MAP3K21: variants seen among roughly 807,000 people sequenced by gnomAD.
MAP3K21 encodes mitogen-activated protein kinase kinase kinase 21.
In MAP3K21, 63 loss-of-function variants were observed where a neutral mutation model predicts 86.1. The observed-to-expected ratio is 0.73, with a 90% confidence interval of 0.60 to 0.90. MAP3K21 has a LOEUF of 0.90. MAP3K21 is among the 40% of genes least tolerant of loss of function. The pLI, the probability that MAP3K21 is intolerant of heterozygous loss-of-function variation, is 0.00. For missense variants in MAP3K21, 1,220 were observed against 1,367.7 expected (o/e 0.89, Z 1.70); for synonymous variants, 558 against 564.8 (o/e 0.99, Z 0.17).
chr1:233,379,592 A>G lies in MAP3K21; in HGVS notation c.2586A>G (p.Ser862=). The change falls in exon 9 of 10, where the codon TCA becomes TCG. Residue 862 remains serine, a synonymous_variant. Transcript: ENST00000366624. ...MPRLDTDCSV[S]RNLPSSFLQQ... Reference sequence around the variant, plus strand: ...GACTTGACACTGATTGTAGTGTATCAAGAAACTTGCCGTCTTCCTTCCTAC... The same window carrying G: ...GACTTGACACTGATTGTAGTGTATCGAGAAACTTGCCGTCTTCCTTCCTAC... 3.1e-6 allele frequency: 5 copies of G among 1,614,198 alleles called. No individual in the cohort carries two copies. Among genetic ancestry groups the G allele is most frequent in the Non-Finnish European group, 3.4e-6 (4 of 1,180,036 alleles).
rs77763886 is a variant in MAP3K21 at position 233,349,765 on chromosome 1, C to T, written c.986+3143C>T. 1.6e-4 allele frequency among the ~76,000 whole-genome samples: 24 copies of T among 152,078 alleles called. No homozygotes were observed. The South Asian group carries it at 4.8e-3, about 30-fold the overall frequency. On this transcript the variant is annotated intron_variant, in intron 2 of 9. Transcript: ENST00000366624. ...CATCCTGGTCAACATGGTGAAACCC[C>T]GTCTCTACTAAAAATACAAAAATTA...
At chr1:233,345,110 A>G (rs972844533) in intron 1 of MAP3K21, among the ~76,000 whole-genome samples, 1 of 152,234 alleles carries the variant, frequency 6.6e-6, no homozygotes, top group Non-Finnish European at 1.5e-5. Flanking sequence ...GTGGAGAAAT[A>G]GTAACGGTTT....
In MAP3K21 at chr1:233,328,064, C is replaced by G. The variant is rs199635611; in HGVS notation, c.36C>G (p.Thr12=). The G allele has an allele frequency of 3.2e-3, 4,291 of 1,340,604 alleles. 87 individuals are homozygous for G. The East Asian group carries it at 0.046, about 14-fold the overall frequency. 83.0% of individuals were successfully genotyped at this position (1,340,604 alleles called of 1,614,324 possible). Residue 12 remains threonine, a synonymous_variant, in exon 1 of 10, where the codon ACC becomes ACG. Transcript: ENST00000366624. This position sits in a 1 kb window ranked among gnomAD's most constrained non-coding sequence, Gnocchi z 8.7. The part of the protein sequence containing the change: ...ALRGAAGATD[T]PVSSAGGAPG... ...GGGGCGCCGCGGGAGCGACCGACAC[C>G]CCGGTGTCCTCGGCCGGGGGAGCCC... is the stretch of plus-strand genomic sequence containing the variant.
In MAP3K21 at chr1:233,328,346, C is replaced by A. The variant is rs746043112; in HGVS notation, c.318C>A (p.Pro106=). 3.5e-5 allele frequency: 52 copies of A among 1,467,758 alleles called. No individual in the cohort carries two copies. Among genetic ancestry groups the A allele is most frequent in the Non-Finnish European group, 4.4e-5 (49 of 1,118,722 alleles). The allele number at this position is 1,467,758 out of a possible 1,614,324, so 90.9% of individuals were successfully genotyped here. A position where few individuals can be genotyped will look rare whatever the true frequency, so the allele number is the denominator to read the frequency against. The change falls in exon 1 of 10, where the codon CCC becomes CCA. Residue 106 remains proline, a synonymous_variant. Transcript: ENST00000366624. The surrounding 1 kb of genome is among the most constrained non-coding windows in gnomAD (Gnocchi z 8.7). ...CTCCCTGCCGCCCGGCCGCCAGCCC[C>A]GCGCCGCCGCCCTCGCGGCCCAGCT... ...YVAPCRPAAS[P]APPPSRPSSP... is the part of the protein sequence containing the mutation.
rs764284536 is a variant in MAP3K21 at position 233,382,736 on chromosome 1, G to A, written c.*25G>A. The A allele has an allele frequency of 1.5e-5, 24 of 1,593,288 alleles. No homozygotes were observed. Among genetic ancestry groups the A allele is most frequent in the South Asian group, 1.1e-4 (10 of 89,426 alleles). ...AACTAAGTGCCTTACTGTTGTTTAA[G>A]CATTTTTTTAAGGTGAACAAATGAA... On this transcript the variant is annotated 3_prime_UTR_variant, in exon 10 of 10. Coordinates refer to ENST00000366624, the MANE Select transcript of MAP3K21 (RefSeq NM_032435.3).
chr1:233,361,232 TC>T (rs1156601933), intron 4 of MAP3K21, among the ~76,000 whole-genome samples: 3 of 152,260 alleles, frequency 2.0e-5, no homozygotes, highest in African/African-American at 7.2e-5. Flanking sequence ...TATTTTTAAT[TC>T]TTAGATTTTC....
At chr1:233,363,643 A>G (rs968827637) in intron 5 of MAP3K21, among the ~76,000 whole-genome samples, 3 of 149,530 alleles carry the variant, frequency 2.0e-5, no homozygotes, top group Non-Finnish European at 4.4e-5. Flanking sequence ...TGGAGGTTGC[A>G]GTGACCCGAG....
Position 233,336,032 on chromosome 1 carries a change from C to T in MAP3K21, c.805+7199C>T, listed in dbSNP as rs143347038. On this transcript the variant is annotated intron_variant, in intron 1 of 9. Coordinates refer to ENST00000366624, the MANE Select transcript of MAP3K21 (RefSeq NM_032435.3). Reference sequence around the variant, plus strand: ...GAACCTCTAGGCTAAATGATTAGTTCTGTTGATCCAGAATGACACTCTTTA... The same window carrying T: ...GAACCTCTAGGCTAAATGATTAGTTTTGTTGATCCAGAATGACACTCTTTA... 8.2e-3 allele frequency among the ~76,000 whole-genome samples: 1,255 copies of T among 152,312 alleles called. 14 individuals carry two copies. Among genetic ancestry groups the T allele is most frequent in the Middle Eastern group, 0.027 (8 of 294 alleles).
Position 233,362,059 on chromosome 1 carries a change from C to A in MAP3K21, c.1318C>A (p.Arg440=), listed in dbSNP as rs757351496. The change falls in exon 5 of 10, where the codon CGA becomes AGA. Residue 440 remains arginine (R), a synonymous_variant. Coordinates refer to ENST00000366624, the MANE Select transcript of MAP3K21 (RefSeq NM_032435.3). ...GTGTGAATCTGTGTCGCAGGAGCTG[C>A]GATCCCGGGAAGAGGAGCTGACTCG... ...DELRTKEKEL[R]SREEELTRAA... The A allele has an allele frequency of 6.2e-7, 1 of 1,611,402 alleles. No individual in the cohort carries two copies. The highest frequency in any genetic ancestry group is 8.5e-7 in the Non-Finnish European group (1 of 1,178,876).
intron 5 of MAP3K21, among the ~76,000 whole-genome samples, chr1:233,371,590 C>G (rs146501385): frequency 0.011 from 1,635 of 152,220 alleles, 38 homozygotes; most frequent in African/African-American, 0.038. Flanking sequence ...GAACTTCTAG[C>G]CTCAAGTGAT....
At position 233,327,920 on chromosome 1, in the gene MAP3K21, C is replaced by G; in HGVS notation, c.-109C>G. The G allele has an allele frequency of 5.7e-6, 5 of 882,620 alleles. No individual in the cohort carries two copies. The highest frequency in any genetic ancestry group is 5.9e-6 in the Non-Finnish European group (4 of 673,754). The allele number at this position is 882,620 out of a possible 1,614,324, so 54.7% of individuals were successfully genotyped here. A position where few individuals can be genotyped will look rare whatever the true frequency, so the allele number is the denominator to read the frequency against. On this transcript the variant is annotated 5_prime_UTR_variant, in exon 1 of 10. Transcript: ENST00000366624. ...CGTCACCGATCGCGATTCCTACCCC[C>G]TCGCCTTCCCCCGGCGCCGACGGCC...
chr1:233,366,949 C>T (rs1301656479), intron 5 of MAP3K21, among the ~76,000 whole-genome samples: 1 of 152,014 alleles, frequency 6.6e-6, no homozygotes, highest in African/African-American at 2.4e-5. Context: ...AATTTTAAAA[C>T]AATACTTTGT....
chr1:233,329,653 CAA>C (rs796672723), intron 1 of MAP3K21, among the ~76,000 whole-genome samples: 3 of 132,920 alleles, frequency 2.3e-5, no homozygotes, highest in Admixed American at 7.5e-5. Flanking sequence ...GACTCTGTCT[CAA>C]AAAAAAAAAA....
At chr1:233,372,186 G>A in intron 6 of MAP3K21, 26 bp downstream of exon 6, 1 of 1,611,280 alleles carries the variant, frequency 6.2e-7, no homozygotes, top group Non-Finnish European at 8.5e-7. Context: ...TGCCACGGGG[G>A]CTCCTGTGTT....
In MAP3K21 at chr1:233,328,095, G is replaced by T; in HGVS notation, c.67G>T (p.Gly23Cys). 1 of 1,369,088 alleles carries T rather than the reference G, an allele frequency of 7.3e-7. No individual in the cohort carries two copies. Among genetic ancestry groups the T allele is most frequent in the Non-Finnish European group, 9.4e-7 (1 of 1,067,852 alleles). 84.8% of individuals were successfully genotyped at this position (1,369,088 alleles called of 1,614,324 possible). Residue 23 changes from glycine (G) to cysteine (C), a missense_variant, in exon 1 of 10, where the codon GGC (glycine) becomes TGC (cysteine). This residue lies in a region of MAP3K21 where 369 missense variants were observed against 385.3 expected (regional missense o/e 0.96). Transcript: ENST00000366624. The surrounding 1 kb of genome is among the most constrained non-coding windows in gnomAD (Gnocchi z 8.7). ...GTCCTCGGCCGGGGGAGCCCCCGGC[G>T]GCTCAGCGTCCTCGTCGTCCACCTC... ...PVSSAGGAPG[G>C]SASSSSTSSG...
rs1014355215 is a variant in MAP3K21 at position 233,352,795 on chromosome 1, G to A, written c.987-1012G>A. On this transcript the variant is annotated intron_variant, in intron 2 of 9. Coordinates refer to ENST00000366624, the MANE Select transcript of MAP3K21 (RefSeq NM_032435.3). Reference sequence around the variant, plus strand: ...TATGTGTTTCAATCTGAAGTCAAGTGAATCATCTGGAGTGACTCTCATTCT... The same window carrying A: ...TATGTGTTTCAATCTGAAGTCAAGTAAATCATCTGGAGTGACTCTCATTCT... Among the ~76,000 whole-genome samples the A allele has an allele frequency of 2.0e-5, 3 of 152,174 alleles. No homozygotes were observed. The East Asian group carries it at 5.8e-4, about 29-fold the overall frequency.
chr1:233,335,436 G>A (rs1470582430), intron 1 of MAP3K21, among the ~76,000 whole-genome samples: 4 of 151,532 alleles, frequency 2.6e-5, no homozygotes, highest in African/African-American at 9.7e-5. Flanking sequence ...CATTTATTTA[G>A]GGCATATTAG....
intron 4 of MAP3K21, among the ~76,000 whole-genome samples, 171 bp from the exon 5 acceptor site, chr1:233,361,882 C>T (rs1354042090): frequency 6.6e-6 from 1 of 152,192 alleles, no homozygotes; most frequent in Non-Finnish European, 1.5e-5. Context: ...CAAAGACCTT[C>T]GTCCCATGAG....
chr1:233,365,683 G>T (rs970519904), intron 5 of MAP3K21, among the ~76,000 whole-genome samples: 1 of 152,056 alleles, frequency 6.6e-6, no homozygotes, highest in Admixed American at 6.5e-5. Context: ...TTGTAATTTT[G>T]TCTTTGAGAA....
Sources: allele counts gnomAD v4.1 joint callset (sites outside exome capture counted in the v4.1 genomes callset), GRCh38; gene constraint gnomAD v4.1.1; regional missense constraint gnomAD v4.1.1; non-coding constraint Gnocchi (gnomAD v3.1); transcripts MANE v1.5; gene names NCBI Gene and HGNC (gene_info 2026-07-23, HGNC 2026-07-21).